NRDC: variants seen among roughly 807,000 people sequenced by gnomAD.
NRDC encodes nardilysin convertase.
In NRDC, 54 loss-of-function variants were observed where a neutral mutation model predicts 147.1. The ratio of observed to expected loss-of-function variants is 0.37; its 90% CI spans 0.29 to 0.46. The LOEUF (loss-of-function observed/expected upper bound fraction) is 0.46, where lower values mean the gene tolerates loss of function less well. Among genes scored for constraint, NRDC ranks in the 20% least tolerant of loss-of-function variants. The pLI, the probability that NRDC is intolerant of heterozygous loss-of-function variation, is 1.00. For missense variants in NRDC, 1,082 were observed against 1,370.6 expected (o/e 0.79, Z 3.33); for synonymous variants, 440 against 482.1 (o/e 0.91, Z 1.14).
intron 1 of NRDC, among the ~76,000 whole-genome samples, chr1:51,850,944 C>G (rs187712920): frequency 1.3e-5 from 2 of 152,204 alleles, no homozygotes; most frequent in African/African-American, 4.8e-5. Flanking sequence ...ACTGGGTGAG[C>G]CAACTCCGGT....
At chr1:51,876,635 G>A (rs1284082120) in intron 1 of NRDC, among the ~76,000 whole-genome samples, 4 of 152,114 alleles carry the variant, frequency 2.6e-5, no homozygotes, top group African/African-American at 9.7e-5. Context: ...TCACATCTTT[G>A]ATGAGAAAGA....
intron 2 of NRDC, chr1:51,836,416 C>A: frequency 6.2e-7 from 1 of 1,613,756 alleles, no homozygotes; most frequent in Non-Finnish European, 8.5e-7. Flanking sequence ...TGCCATCCTG[C>A]CAAATGCTGA....
At chr1:51,830,136 T>C (rs1320763996) in intron 4 of NRDC, among the ~76,000 whole-genome samples, 1 of 152,018 alleles carries the variant, frequency 6.6e-6, no homozygotes, top group Non-Finnish European at 1.5e-5. Context: ...GGCTAATTTT[T>C]GTATTTTTAG....
At chr1:51,796,698 C>T (rs1678934350) in intron 22 of NRDC, among the ~76,000 whole-genome samples, 2 of 151,698 alleles carry the variant, frequency 1.3e-5, no homozygotes. Flanking sequence ...AGCAATTCTC[C>T]TGCCTCAGCC....
At chr1:51,861,973 T>C (rs561119733) in intron 1 of NRDC, 4 of 152,274 alleles carry the variant, frequency 2.6e-5, no homozygotes, top group South Asian at 4.1e-4. Flanking sequence ...TCTCCATGAG[T>C]CCATGGATAA....
At position 51,806,918 on chromosome 1, in the gene NRDC, T is replaced by G. The variant is rs780611956; in HGVS notation, c.1991-5A>C. 1.9e-6 allele frequency: 3 copies of G among 1,611,478 alleles called. No homozygotes were observed. Among genetic ancestry groups the G allele is most frequent in the East Asian group, 2.2e-5 (1 of 44,818 alleles). On this transcript the variant is annotated splice_polypyrimidine_tract_variant and splice_region_variant and intron_variant, in intron 17 of 30. Coordinates refer to ENST00000352171, the MANE Select transcript of NRDC (RefSeq NM_001101662.2). ...CCTTCAACGTAAAGTCCGTGGCTAA[T>G]AAAAGAAGATAATAATAATTCACTC...
At chr1:51,804,681 T>C (rs56091387) in intron 19 of NRDC, among the ~76,000 whole-genome samples, 5 of 134,202 alleles carry the variant, frequency 3.7e-5, no homozygotes, top group South Asian at 2.5e-4. Flanking sequence ...TACGTTCAGA[T>C]ACATTTCCCA....
chr1:51,793,396 G>C (rs1020431404), intron 24 of NRDC, among the ~76,000 whole-genome samples: 2 of 152,186 alleles, frequency 1.3e-5, no homozygotes, highest in African/African-American at 4.8e-5. Flanking sequence ...ACCTAGAAGA[G>C]GCTGCAGGTT....
intron 3 of NRDC, 62 bp from the exon 4 acceptor site, chr1:51,834,232 T>G: frequency 1.3e-6 from 2 of 1,547,334 alleles, no homozygotes; most frequent in Non-Finnish European, 1.8e-6. Context: ...TTATCACACA[T>G]GAACTTTCTT....
At chr1:51,790,494 T>C (rs1240695159) in intron 29 of NRDC, 39 bp downstream of exon 29, 2 of 1,300,882 alleles carry the variant, frequency 1.5e-6, no homozygotes, top group South Asian at 1.2e-5. Flanking sequence ...TCAGGAACCT[T>C]GACCAGTTTG....
intron 1 of NRDC, among the ~76,000 whole-genome samples, chr1:51,854,813 T>C (rs774086739): frequency 6.6e-6 from 1 of 152,184 alleles, no homozygotes; most frequent in Non-Finnish European, 1.5e-5. Context: ...TTTGCTTCCC[T>C]ATAAAAACTA....
At chr1:51,790,805 G>A in intron 28 of NRDC, 95 bp downstream of exon 28, 1 of 1,085,900 alleles carries the variant, frequency 9.2e-7, no homozygotes, top group Non-Finnish European at 1.4e-6. Context: ...AGGTGGGGCT[G>A]CAAAGCTCAA....
At chr1:51,792,454 A>C in intron 24 of NRDC, 30 bp from the exon 25 acceptor site, 2 of 1,610,638 alleles carry the variant, frequency 1.2e-6, no homozygotes, top group Non-Finnish European at 1.7e-6. Flanking sequence ...AGGCCAACTG[A>C]ATATCCAGTG....
chr1:51,858,017 C>G (rs893737127), intron 1 of NRDC, among the ~76,000 whole-genome samples: 1 of 152,130 alleles, frequency 6.6e-6, no homozygotes, highest in African/African-American at 2.4e-5. Context: ...TAACTACTTA[C>G]AGAAATGGCA....
chr1:51,816,246 A>G, intron 11 of NRDC, 66 bp downstream of exon 11: 3 of 1,016,686 alleles, frequency 3.0e-6, no homozygotes, highest in Non-Finnish European at 4.4e-6. Flanking sequence ...TGCATTATAT[A>G]ATACTTATTG....
intron 22 of NRDC, chr1:51,795,235 T>C: frequency 3.9e-6 from 5 of 1,290,792 alleles, no homozygotes; most frequent in Non-Finnish European, 5.1e-6. Flanking sequence ...AAATAACATT[T>C]AATACTGAGT....
chr1:51,868,557 G>A (rs1350646575), intron 1 of NRDC, among the ~76,000 whole-genome samples: 1 of 152,154 alleles, frequency 6.6e-6, no homozygotes, highest in South Asian at 2.1e-4. Context: ...TCATAGAATA[G>A]CACTTAAATC....
rs150879445 is a variant in NRDC at position 51,851,570 on chromosome 1, T to A, written c.342-11056A>T. Reference sequence around the variant, plus strand: ...GGAAAAAAAAAAAATGATTTTTTTTTAATTGCAGTAGTGCTTGGCCACAGT... The same window carrying A: ...GGAAAAAAAAAAAATGATTTTTTTTAAATTGCAGTAGTGCTTGGCCACAGT... On this transcript the variant is annotated intron_variant, in intron 1 of 30. Transcript: ENST00000352171. 5.3e-5 allele frequency among the ~76,000 whole-genome samples: 8 copies of A among 152,078 alleles called. No individual in the cohort carries two copies. In the East Asian group the frequency reaches 1.6e-3, roughly 29 times the overall value.
At chr1:51,834,863 T>C (rs949743619) in intron 3 of NRDC, among the ~76,000 whole-genome samples, 3 of 152,144 alleles carry the variant, frequency 2.0e-5, no homozygotes, top group African/African-American at 7.2e-5. Flanking sequence ...ACTTAATCTC[T>C]TCAATTAAAT....
Sources: gnomAD v4.1 joint callset for allele counts (sites outside exome capture counted in the v4.1 genomes callset) on GRCh38, gnomAD v4.1.1 for gene constraint, MANE v1.5 for transcripts, NCBI Gene and HGNC (gene_info 2026-07-23, HGNC 2026-07-21) for gene names.